The following EIF4E3 variants were observed in gnomAD, a reference collection of about 807,000 sequenced individuals.
EIF4E3 encodes the protein eukaryotic translation initiation factor 4E family member 3.
A neutral mutation model predicts 31.7 loss-of-function variants in EIF4E3; 26 were observed. The observed-to-expected ratio is 0.82, with a 90% CI of 0.60 to 1.14. EIF4E3 has a LOEUF of 1.14. Ranked by LOEUF, EIF4E3 falls within the 50% of genes most tolerant of loss-of-function variation. The pLI is 0.00. For synonymous variants in EIF4E3, 128 were observed against 107.7 expected, an observed-to-expected ratio of 1.19 and a Z score of -1.17; for missense variants, 304 against 270.9, an observed-to-expected ratio of 1.12 and a Z score of -0.86.
At chr3:71,736,844 T>C (rs76729546) in intron 1 of EIF4E3, among the ~76,000 whole-genome samples, 2,491 of 152,234 alleles carry the variant, frequency 0.016, 80 homozygotes, top group African/African-American at 0.057. Context: ...TCCTTGATTA[T>C]AAAAAATGCA....
At chr3:71,751,064 T>G (rs1041650535) in intron 1 of EIF4E3, among the ~76,000 whole-genome samples, 1 of 151,824 alleles carries the variant, frequency 6.6e-6, no homozygotes, top group African/African-American at 2.4e-5. Context: ...ATCCGGCCTC[T>G]ACAAATAATT....
At chr3:71,689,768 C>T (rs1031043306) in intron 6 of EIF4E3, among the ~76,000 whole-genome samples, 4 of 150,064 alleles carry the variant, frequency 2.7e-5, no homozygotes, top group South Asian at 2.1e-4. Context: ...ATAACAAATA[C>T]AATATTTGTT....
At chr3:71,720,436 C>G (rs1318272161) in intron 1 of EIF4E3, among the ~76,000 whole-genome samples, 1 of 152,028 alleles carries the variant, frequency 6.6e-6, no homozygotes, top group Non-Finnish European at 1.5e-5. Flanking sequence ...CTCAAGAGAT[C>G]CTCCCTCCTC....
At chr3:71,709,022 C>T (rs552686035) in intron 2 of EIF4E3, among the ~76,000 whole-genome samples, 3 of 152,236 alleles carry the variant, frequency 2.0e-5, no homozygotes, top group African/African-American at 7.2e-5. Context: ...ACCTTACAAT[C>T]AGATTCCTGG....
At chr3:71,731,452 A>AT (rs1294932282) in intron 1 of EIF4E3, among the ~76,000 whole-genome samples, 1 of 151,230 alleles carries the variant, frequency 6.6e-6, no homozygotes. Context: ...CTTCCTCATT[A>AT]TTTTTTTCAG....
At chr3:71,671,412 A>C (rs938789472), downstream of EIF4E3, among the ~76,000 whole-genome samples, 1 of 152,034 alleles carries the variant, frequency 6.6e-6, no homozygotes, top group Non-Finnish European at 1.5e-5. Flanking sequence ...GCATGGCAGC[A>C]TCCGGAGCCG....
chr3:71,710,455 C>T lies in EIF4E3; in HGVS notation c.206G>A (p.Cys69Tyr), dbSNP rs1377784052. The T allele has an allele frequency of 1.9e-6, 3 of 1,550,988 alleles. No individual in the cohort carries two copies. Among genetic ancestry groups the T allele is most frequent in the Admixed American group, 2.0e-5 (1 of 50,886 alleles). The change falls in exon 2 of 7, where the codon TGC (cysteine) becomes TAC (tyrosine). Residue 69 changes from cysteine to tyrosine, a missense_variant. Cys to Tyr is a radical substitution (Grantham distance 194). Transcript: ENST00000425534. ...GTAGATTTTCTTCAGATTTGATGCG[C>T]ACTCAGCTGCTGTGGCACCAGGGAG... ...RSLPGATAAECASNLKKIYTV... is the reference protein window; with the variant it reads ...RSLPGATAAEYASNLKKIYTV...
At chr3:71,737,834 A>G (rs2049779589) in intron 1 of EIF4E3, among the ~76,000 whole-genome samples, 1 of 152,196 alleles carries the variant, frequency 6.6e-6, no homozygotes, top group African/African-American at 2.4e-5. Context: ...AGGAAATCAT[A>G]CAACTAAGAT....
chr3:71,754,637 C>T (rs767540016), upstream of EIF4E3: 16 of 1,483,424 alleles, frequency 1.1e-5, no homozygotes, highest in South Asian at 2.0e-4. The surrounding 1 kb of genome is among the most constrained non-coding windows in gnomAD (Gnocchi z 5.8). Flanking sequence ...TGGTGGGCGC[C>T]ACGCACCTCG....
At chr3:71,693,034 T>C (rs2049085240) in intron 5 of EIF4E3, among the ~76,000 whole-genome samples, 1 of 152,100 alleles carries the variant, frequency 6.6e-6, no homozygotes, top group Non-Finnish European at 1.5e-5. Context: ...CACGGCCCCA[T>C]CTAAGACATC....
intron 6 of EIF4E3, among the ~76,000 whole-genome samples, chr3:71,686,613 C>A (rs79809549): frequency 0.019 from 2,764 of 148,784 alleles, 86 homozygotes; most frequent in African/African-American, 0.064. Flanking sequence ...GGGAAGATAT[C>A]GAAGAAAACA....
chr3:71,732,389 AT>A (rs1165345832), intron 1 of EIF4E3, among the ~76,000 whole-genome samples: 1 of 150,684 alleles, frequency 6.6e-6, no homozygotes, highest in Non-Finnish European at 1.5e-5. Flanking sequence ...TTAAAAAAAA[AT>A]CTCTTCCCTG....
At chr3:71,713,318 C>T (rs1280532695) in intron 1 of EIF4E3, among the ~76,000 whole-genome samples, 1 of 152,168 alleles carries the variant, frequency 6.6e-6, no homozygotes, top group Non-Finnish European at 1.5e-5. Context: ...CTCTTCATCC[C>T]TCACTGCTGA....
At chr3:71,706,852 A>G (rs1308221287) in intron 2 of EIF4E3, among the ~76,000 whole-genome samples, 2 of 152,150 alleles carry the variant, frequency 1.3e-5, no homozygotes, top group Non-Finnish European at 2.9e-5. Context: ...ATACAATCCT[A>G]GAATAAAATA....
intron 1 of EIF4E3, among the ~76,000 whole-genome samples, chr3:71,750,655 C>T (rs1480910620): frequency 6.6e-6 from 1 of 152,078 alleles, no homozygotes; most frequent in Non-Finnish European, 1.5e-5. Flanking sequence ...TGTGGTGGCT[C>T]ACGCCTGTAA....
chr3:71,723,597 T>G (rs2049584002), intron 1 of EIF4E3, among the ~76,000 whole-genome samples: 1 of 152,232 alleles, frequency 6.6e-6, no homozygotes, highest in African/African-American at 2.4e-5. Context: ...TGTTCCTACA[T>G]GTAAACTAAT....
intron 1 of EIF4E3, among the ~76,000 whole-genome samples, chr3:71,741,215 C>CACACACACACACAT (rs1440952043): frequency 6.6e-6 from 1 of 151,942 alleles, no homozygotes; most frequent in African/African-American, 2.4e-5. Context: ...CACACACACA[C>CACACACACACACAT]ATCCTGGAAT....
intron 1 of EIF4E3, among the ~76,000 whole-genome samples, chr3:71,744,949 C>T (rs557729340): frequency 6.6e-5 from 10 of 152,218 alleles, no homozygotes; most frequent in Admixed American, 4.6e-4. Flanking sequence ...GGGAGCTGTC[C>T]AGACCAGATG....
At chr3:71,706,815 C>G (rs2049299755) in intron 2 of EIF4E3, among the ~76,000 whole-genome samples, 1 of 151,658 alleles carries the variant, frequency 6.6e-6, no homozygotes, top group Admixed American at 6.6e-5. Context: ...AAAGTGAGAC[C>G]CTGTTTCTGA....
Sources: gnomAD v4.1 joint callset for allele counts (sites outside exome capture counted in the v4.1 genomes callset) on GRCh38, gnomAD v4.1.1 for gene constraint, Gnocchi (gnomAD v3.1) non-coding constraint, MANE v1.5 for transcripts, NCBI Gene and HGNC (gene_info 2026-07-23, HGNC 2026-07-21) for gene names.